Variants in CATSPERB observed in about 807,000 individuals in gnomAD.
CATSPERB encodes the protein cation channel sperm-associated auxiliary subunit beta.
In CATSPERB, 93 loss-of-function variants were observed where a neutral mutation model predicts 128.3. The observed-to-expected ratio is 0.72, with a 90% CI of 0.61 to 0.86. The LOEUF is 0.86. Among genes scored for constraint, CATSPERB ranks in the 40% least tolerant of loss-of-function variants. CATSPERB has a pLI of 0.00. For synonymous variants in CATSPERB, 381 were observed against 448.8 expected (o/e 0.85, Z 1.91); for missense variants, 1,153 against 1,329.5 (o/e 0.87, Z 2.06).
rs540429129 is a variant in CATSPERB at position 91,673,622 on chromosome 14, C to T, written c.978+554G>A. On this transcript the variant is annotated intron_variant, in intron 12 of 26. Coordinates refer to ENST00000256343, the MANE Select transcript of CATSPERB (RefSeq NM_024764.4). ...TTAATGTGGCTGGGTTTGGTGCTCA[C>T]GCCTGTAACCCCAGCACTTTGGGAG... 5.9e-5 allele frequency among the ~76,000 whole-genome samples: 9 copies of T among 152,270 alleles called. No homozygotes were observed. In the South Asian group the frequency reaches 1.7e-3, roughly 28 times the overall value.
At chr14:91,664,805 C>G (rs1375481956) in intron 14 of CATSPERB, among the ~76,000 whole-genome samples, 2 of 152,154 alleles carry the variant, frequency 1.3e-5, no homozygotes, top group African/African-American at 4.8e-5. Flanking sequence ...CGTTCTGTTT[C>G]TTAGCTTCAT....
At chr14:91,636,029 T>C (rs963686255) in intron 17 of CATSPERB, 3 of 160,706 alleles carry the variant, frequency 1.9e-5, no homozygotes, top group Non-Finnish European at 4.1e-5. Context: ...ACTTACTCTA[T>C]TTGACCAAGA....
chr14:91,657,746 G>A (rs1430934129), intron 15 of CATSPERB, among the ~76,000 whole-genome samples: 1 of 152,026 alleles, frequency 6.6e-6, no homozygotes, highest in Admixed American at 6.5e-5. Context: ...ACATACAAAC[G>A]GCAGACAGGC....
intron 22 of CATSPERB, among the ~76,000 whole-genome samples, chr14:91,594,415 C>A (rs1425887417): frequency 6.6e-6 from 1 of 151,040 alleles, no homozygotes; most frequent in Non-Finnish European, 1.5e-5. Context: ...CAACATGGCA[C>A]ATGTATACAT....
At chr14:91,693,058 T>A (rs573348783) in intron 9 of CATSPERB, 68 bp downstream of exon 9, 1 of 1,104,282 alleles carries the variant, frequency 9.1e-7, no homozygotes, top group East Asian at 2.4e-5. Flanking sequence ...ACTCAAGTAT[T>A]AAATATTTCT....
chr14:91,585,175 C>T (rs975900301), intron 26 of CATSPERB, among the ~76,000 whole-genome samples: 5 of 151,990 alleles, frequency 3.3e-5, no homozygotes, highest in Non-Finnish European at 7.4e-5. Context: ...TGCCTCCATG[C>T]CTGGCTAATT....
intron 19 of CATSPERB, among the ~76,000 whole-genome samples, chr14:91,620,576 G>A (rs61988701): frequency 0.12 from 17,526 of 151,234 alleles, 1,110 homozygotes; most frequent in Non-Finnish European, 0.14. Context: ...GTGCTATTTC[G>A]CTAGCATCTT....
intron 2 of CATSPERB, among the ~76,000 whole-genome samples, chr14:91,728,678 C>A (rs965905823): frequency 5.3e-5 from 8 of 152,170 alleles, no homozygotes; most frequent in African/African-American, 1.9e-4. Flanking sequence ...GAAAATTACT[C>A]TTTCGCAAGC....
At chr14:91,675,524 A>G (rs1347864806) in intron 11 of CATSPERB, among the ~76,000 whole-genome samples, 1 of 152,202 alleles carries the variant, frequency 6.6e-6, no homozygotes, top group Non-Finnish European at 1.5e-5. Flanking sequence ...GGGCAGGTAC[A>G]TCATCTTTAT....
At chr14:91,611,319 C>T (rs1243233298) in intron 20 of CATSPERB, among the ~76,000 whole-genome samples, 1 of 152,032 alleles carries the variant, frequency 6.6e-6, no homozygotes, top group Non-Finnish European at 1.5e-5. Context: ...GATCAAGAAC[C>T]TGAGGACTGG....
chr14:91,587,477 C>CTTTTTT lies in CATSPERB; in HGVS notation c.3058-207_3058-202dup, dbSNP rs3029803. 1.7e-4 allele frequency among the ~76,000 whole-genome samples: 17 copies of CTTTTTT among 101,536 alleles called. No homozygotes were observed. In the South Asian group the frequency reaches 2.1e-3, roughly 13 times the overall value. 66.6% of individuals were successfully genotyped at this position (101,536 alleles called of 152,430 possible). On this transcript the variant is annotated intron_variant, in intron 25 of 26. Transcript: ENST00000256343. ...AAGTGGAGGGATTCAATAGCTGATA[C>CTTTTTT]TTTTTTTTTTTTTTTTTTTTTTTTT...
chr14:91,704,446 A>G, intron 7 of CATSPERB, 106 bp downstream of exon 7: 1 of 1,197,100 alleles, frequency 8.4e-7, no homozygotes, highest in Non-Finnish European at 1.2e-6. Context: ...TTTAGGAAAC[A>G]ATTTTCCTTC....
At chr14:91,674,583 T>A (rs141111189) in intron 11 of CATSPERB, among the ~76,000 whole-genome samples, 96 of 152,316 alleles carry the variant, frequency 6.3e-4, no homozygotes, top group African/African-American at 1.2e-3. Context: ...AAGTGCATTT[T>A]AAAATTTTTT....
At chr14:91,721,009 A>G (rs1365423851) in intron 4 of CATSPERB, among the ~76,000 whole-genome samples, 2 of 152,186 alleles carry the variant, frequency 1.3e-5, no homozygotes, top group Non-Finnish European at 2.9e-5. Context: ...TCATGCTAGG[A>G]TGGCTGGATA....
intron 14 of CATSPERB, 137 bp downstream of exon 14, chr14:91,669,677 A>G: frequency 1.3e-6 from 1 of 798,698 alleles, no homozygotes. Flanking sequence ...TACAATAAAT[A>G]GTCAATAAAT....
At chr14:91,728,097 A>G (rs917416820) in intron 2 of CATSPERB, among the ~76,000 whole-genome samples, 1 of 152,056 alleles carries the variant, frequency 6.6e-6, no homozygotes, top group Non-Finnish European at 1.5e-5. Context: ...ACATTTTAAG[A>G]TCCAGTTCAA....
intron 26 of CATSPERB, among the ~76,000 whole-genome samples, chr14:91,585,350 A>G (rs760321363): frequency 3.9e-5 from 6 of 152,108 alleles, no homozygotes; most frequent in Non-Finnish European, 8.8e-5. Flanking sequence ...TAAATGTTAG[A>G]CCTTCTGATA....
intron 4 of CATSPERB, among the ~76,000 whole-genome samples, chr14:91,722,055 GA>G (rs1390086169): frequency 2.6e-5 from 4 of 151,946 alleles, no homozygotes; most frequent in Non-Finnish European, 4.4e-5. Flanking sequence ...AAGAAAGAAA[GA>G]AAAGAAATTG....
intron 19 of CATSPERB, among the ~76,000 whole-genome samples, chr14:91,619,565 A>T (rs1343752672): frequency 6.8e-6 from 1 of 147,902 alleles, no homozygotes; most frequent in African/African-American, 2.5e-5. Context: ...AAAAAAAAAT[A>T]GCATTTTGTC....
Sources: gnomAD v4.1 joint callset for allele counts (sites outside exome capture counted in the v4.1 genomes callset) on GRCh38, gnomAD v4.1.1 for gene constraint, MANE v1.5 for transcripts, NCBI Gene and HGNC (gene_info 2026-07-23, HGNC 2026-07-21) for gene names.